The following DLC1 variants were observed in gnomAD, a reference collection of about 807,000 sequenced individuals.
The protein encoded by DLC1 is DLC1 Rho GTPase activating protein.
Under a neutral mutation model 140.3 loss-of-function variants are expected in DLC1, and 54 were observed. The observed-to-expected ratio is 0.38, with a 90% CI of 0.31 to 0.48. The LOEUF (loss-of-function observed/expected upper bound fraction) is 0.48. Ranked by LOEUF, DLC1 falls within the 20% of genes least tolerant of loss-of-function variation. The pLI is 0.96. For missense variants in DLC1, 2,536 were observed against 1,907.0 expected, an observed-to-expected ratio of 1.33 and a Z score of -6.14; for synonymous variants, 986 against 728.1, an observed-to-expected ratio of 1.35 and a Z score of -5.70.
chr8:13,587,806 G>A (rs1047282406), intron 1 of DLC1, among the ~76,000 whole-genome samples: 2 of 151,848 alleles, frequency 1.3e-5, no homozygotes, highest in Admixed American at 1.3e-4. Context: ...GTTTCTATCA[G>A]TACTCTACTC....
intron 1 of DLC1, among the ~76,000 whole-genome samples, chr8:13,509,639 A>G (rs1802264408): frequency 6.6e-6 from 1 of 152,194 alleles, no homozygotes; most frequent in African/African-American, 2.4e-5. Context: ...CTTAGAAGCT[A>G]TCTCCTTTAG....
chr8:13,535,872 G>C (rs1454139057), intron 1 of DLC1, among the ~76,000 whole-genome samples: 1 of 151,930 alleles, frequency 6.6e-6, no homozygotes, highest in African/African-American at 2.4e-5. Flanking sequence ...TTCCTTTTCA[G>C]TCTGATGGAA....
chr8:13,333,662 C>G (rs1330530823), intron 4 of DLC1, among the ~76,000 whole-genome samples: 9 of 152,120 alleles, frequency 5.9e-5, no homozygotes, highest in Non-Finnish European at 1.3e-4. Flanking sequence ...TCACCCGCCC[C>G]CTTATTTAAA....
intron 1 of DLC1, among the ~76,000 whole-genome samples, chr8:13,587,537 G>A (rs925800400): frequency 2.8e-5 from 4 of 143,654 alleles, no homozygotes; most frequent in African/African-American, 7.7e-5. Flanking sequence ...CAGCACAAAT[G>A]TGACTATACA....
chr8:13,118,457 T>C (rs1029972243), intron 5 of DLC1, among the ~76,000 whole-genome samples: 4 of 152,156 alleles, frequency 2.6e-5, no homozygotes, highest in African/African-American at 7.2e-5. Context: ...TATGAAACCA[T>C]GGGAAATAGA....
At chr8:13,440,306 G>A (rs1369123374) in intron 2 of DLC1, among the ~76,000 whole-genome samples, 1 of 152,006 alleles carries the variant, frequency 6.6e-6, no homozygotes, top group Non-Finnish European at 1.5e-5. Flanking sequence ...AGACTTCATT[G>A]GTATTGTATT....
intron 5 of DLC1, among the ~76,000 whole-genome samples, chr8:13,137,844 C>A (rs147999004): frequency 0.015 from 2,262 of 151,784 alleles, 70 homozygotes; most frequent in African/African-American, 0.048. Context: ...CTGATCTGCC[C>A]GCCTCAGCCT....
At chr8:13,442,914 T>C (rs531883722) in intron 2 of DLC1, among the ~76,000 whole-genome samples, 4 of 152,314 alleles carry the variant, frequency 2.6e-5, no homozygotes, top group African/African-American at 9.6e-5. Context: ...CATATGTTTA[T>C]TGTGGCAGTA....
intron 4 of DLC1, among the ~76,000 whole-genome samples, chr8:13,349,736 C>G (rs371504507): frequency 2.0e-5 from 3 of 152,132 alleles, no homozygotes; most frequent in East Asian, 3.9e-4. Context: ...GAAAGCTGAA[C>G]AAATTCTAGT....
intron 5 of DLC1, among the ~76,000 whole-genome samples, chr8:13,164,115 G>T (rs1824926180): frequency 6.6e-6 from 1 of 152,114 alleles, no homozygotes; most frequent in Non-Finnish European, 1.5e-5. Context: ...TGGCCAACAT[G>T]ATGAAACCCT....
rs1363760005 is a variant in DLC1, at chr8:13,115,536, CA to C, written c.1420+49del. The C allele has an allele frequency of 2.0e-6, 3 of 1,521,082 alleles. No individual in the cohort carries two copies. In the African/African-American group the frequency reaches 4.1e-5, roughly 21 times the overall value. The allele number at this position is 1,521,082 out of a possible 1,614,324, so 94.2% of individuals were successfully genotyped here. A position where few individuals can be genotyped will look rare whatever the true frequency, so the allele number is the denominator to read the frequency against. ...GTCATAGATCAGTAATACTCGCGAA[CA>C]AGGGATTATGATTATGCCAACTTTT... is the stretch of plus-strand genomic sequence containing the variant. On this transcript the variant is annotated intron_variant, in intron 6 of 17. Transcript: ENST00000276297.
At chr8:13,501,508 A>G (rs1801817681) in intron 1 of DLC1, among the ~76,000 whole-genome samples, 1 of 152,224 alleles carries the variant, frequency 6.6e-6, no homozygotes, top group Non-Finnish European at 1.5e-5. Context: ...GATTTCTGCT[A>G]TAAACAAGAT....
At chr8:13,410,954 C>A (rs1837755879) in intron 2 of DLC1, among the ~76,000 whole-genome samples, 1 of 152,196 alleles carries the variant, frequency 6.6e-6, no homozygotes, top group South Asian at 2.1e-4. Context: ...CTAAATGAAA[C>A]CCTCATGGGT....
At chr8:13,444,445 T>G (rs1478638418) in intron 2 of DLC1, among the ~76,000 whole-genome samples, 1 of 151,962 alleles carries the variant, frequency 6.6e-6, no homozygotes, top group Non-Finnish European at 1.5e-5. Flanking sequence ...ACTTAACGTT[T>G]AATAATAAAA....
intron 2 of DLC1, among the ~76,000 whole-genome samples, chr8:13,443,426 A>G (rs997008663): frequency 4.0e-5 from 6 of 151,252 alleles, no homozygotes; most frequent in African/African-American, 1.5e-4. Flanking sequence ...TTGGGAGGCC[A>G]AGGCAGGAGG....
At chr8:13,148,866 C>T (rs533732057) in intron 5 of DLC1, among the ~76,000 whole-genome samples, 20 of 152,230 alleles carry the variant, frequency 1.3e-4, no homozygotes, top group African/African-American at 3.6e-4. Flanking sequence ...GATCTTGGCT[C>T]ACTGCAAGCT....
intron 2 of DLC1, among the ~76,000 whole-genome samples, chr8:13,413,478 C>A (rs1041265820): frequency 3.2e-5 from 4 of 125,482 alleles, no homozygotes; most frequent in Admixed American, 3.0e-4. Flanking sequence ...AAAATTATTT[C>A]TCTGTGTGTG....
chr8:13,374,386 C>T (rs1835870393), intron 4 of DLC1, among the ~76,000 whole-genome samples: 1 of 152,128 alleles, frequency 6.6e-6, no homozygotes, highest in Non-Finnish European at 1.5e-5. Context: ...TCAAGCATTG[C>T]ACCTGGTGAG....
intron 1 of DLC1, among the ~76,000 whole-genome samples, chr8:13,528,962 G>T (rs1483858609): frequency 6.6e-6 from 1 of 152,136 alleles, no homozygotes; most frequent in African/African-American, 2.4e-5. Flanking sequence ...ATGCATGCTT[G>T]AACACTGTCC....
Sources: gnomAD v4.1 joint callset for allele counts (sites outside exome capture counted in the v4.1 genomes callset) on GRCh38, gnomAD v4.1.1 for gene constraint, MANE v1.5 for transcripts, NCBI Gene and HGNC (gene_info 2026-07-23, HGNC 2026-07-21) for gene names.